ARHGAP40: variants seen among roughly 807,000 people sequenced by gnomAD.
ARHGAP40 encodes Rho GTPase activating protein 40, also known as rho GTPase-activating protein 40.
ARHGAP40 carries 43 observed loss-of-function variants against 73.5 expected under a neutral mutation model. The ratio of observed to expected loss-of-function variants is 0.58; its 90% CI spans 0.46 to 0.75. The LOEUF (loss-of-function observed/expected upper bound fraction) is 0.75. Ranked by LOEUF, ARHGAP40 falls within the 30% of genes least tolerant of loss-of-function variation. ARHGAP40 has a pLI of 0.00. For synonymous variants in ARHGAP40, 300 were observed against 352.8 expected, an observed-to-expected ratio of 0.85 and a Z score of 1.68; for missense variants, 734 against 861.8, an observed-to-expected ratio of 0.85 and a Z score of 1.86.
At chr20:38,627,075 C>G in exon 3 of ARHGAP40, 1 of 1,305,408 alleles carries the variant, frequency 7.7e-7, no homozygotes, top group Non-Finnish European at 1.0e-6. Flanking sequence ...TGGTGATCAC[C>G]AGGAGCTCCT....
At chr20:38,645,232 C>T (rs568526239) in intron 11 of ARHGAP40, among the ~76,000 whole-genome samples, 130 of 151,904 alleles carry the variant, frequency 8.6e-4, no homozygotes, top group South Asian at 2.3e-3. Context: ...ACTCCTCTGT[C>T]GAAAGTCCCC....
intron 3 of ARHGAP40, among the ~76,000 whole-genome samples, chr20:38,627,431 TGTCTGTGTTG>T (rs2088905961): frequency 7.5e-6 from 1 of 133,522 alleles, no homozygotes; most frequent in Non-Finnish European, 1.6e-5. Context: ...GTGTGTGTGT[TGTCTGTGTTG>T]GGGGTGTGTG....
intron 6 of ARHGAP40, among the ~76,000 whole-genome samples, chr20:38,635,724 ATTATAG>A (rs1222681768): frequency 6.6e-6 from 1 of 151,942 alleles, no homozygotes; most frequent in African/African-American, 2.4e-5. Context: ...AATAGAATAT[ATTATAG>A]TTATAGATCT....
At chr20:38,631,774 C>A (rs747009485) in intron 5 of ARHGAP40, among the ~76,000 whole-genome samples, 1 of 152,130 alleles carries the variant, frequency 6.6e-6, no homozygotes, top group African/African-American at 2.4e-5. Context: ...CTTAGGAAAC[C>A]AACCCCACCC....
chr20:38,623,026 C>T (rs1008137639), intron 1 of ARHGAP40, among the ~76,000 whole-genome samples: 2 of 152,206 alleles, frequency 1.3e-5, no homozygotes, highest in Non-Finnish European at 2.9e-5. Flanking sequence ...ACTGCCCTGT[C>T]ATTTCCTCGC....
rs1002170493 is a variant in ARHGAP40, at chr20:38,639,173, G to A, written c.1120-54G>A. ...CCAAGCCCCAGAGAAGTGGTAGAGC[G>A]ACTTCTACCAGAGCCCTGGGCCAAC... On this transcript the variant is annotated intron_variant, in intron 8 of 14. Coordinates refer to ENST00000373345, the Ensembl canonical transcript of ARHGAP40. The A allele has an allele frequency of 2.0e-5, 26 of 1,291,330 alleles. No homozygotes were observed. The Admixed American group carries it at 4.2e-4, about 21-fold the overall frequency. 80.0% of individuals were successfully genotyped at this position (1,291,330 alleles called of 1,614,324 possible). A position where few individuals can be genotyped will look rare whatever the true frequency, so the allele number is the denominator to read the frequency against.
At chr20:38,642,504 G>T (rs1256207345) in intron 10 of ARHGAP40, among the ~76,000 whole-genome samples, 1 of 152,140 alleles carries the variant, frequency 6.6e-6, no homozygotes, top group East Asian at 1.9e-4. Context: ...AATCATAAAA[G>T]CTAACTCATG....
At chr20:38,647,274 G>C in intron 13 of ARHGAP40, 148 bp downstream of exon 13, 1 of 560,680 alleles carries the variant, frequency 1.8e-6, no homozygotes, top group Non-Finnish European at 2.7e-6. Context: ...TCCAATCTTA[G>C]AGAGTTTCTT....
intron 10 of ARHGAP40, among the ~76,000 whole-genome samples, 153 bp downstream of exon 10, chr20:38,641,961 T>G (rs1353743394): frequency 6.6e-6 from 1 of 152,164 alleles, no homozygotes; most frequent in Non-Finnish European, 1.5e-5. Flanking sequence ...CTTGAGACTT[T>G]TTCTTAAAGA....
At chr20:38,644,033 C>A in intron 11 of ARHGAP40, 123 bp downstream of exon 11, 1 of 865,456 alleles carries the variant, frequency 1.2e-6, no homozygotes, top group Non-Finnish European at 1.6e-6. Flanking sequence ...CTTTGTTGGC[C>A]TCTGCACAGG....
chr20:38,630,105 T>TCTTTCTTTTTCTTTTC (rs2088928905), intron 5 of ARHGAP40, among the ~76,000 whole-genome samples: 1 of 89,494 alleles, frequency 1.1e-5, no homozygotes, highest in African/African-American at 3.2e-5. Flanking sequence ...TTTCTTTGTT[T>TCTTTCTTTTTCTTTTC]TTCTTTTCTT....
At chr20:38,608,901 G>A (rs1029519420) in intron 1 of ARHGAP40, among the ~76,000 whole-genome samples, 2 of 152,136 alleles carry the variant, frequency 1.3e-5, no homozygotes, top group Non-Finnish European at 2.9e-5. Flanking sequence ...TCCTTAAGTT[G>A]CGGTCCACCT....
chr20:38,640,045 GACCT>G (rs2089004828), intron 9 of ARHGAP40, among the ~76,000 whole-genome samples: 1 of 152,160 alleles, frequency 6.6e-6, no homozygotes, highest in Non-Finnish European at 1.5e-5. Context: ...GGTCCTCTCT[GACCT>G]TTGATTCTCA....
intron 1 of ARHGAP40, among the ~76,000 whole-genome samples, chr20:38,620,379 C>G (rs1020695436): frequency 7.9e-5 from 12 of 152,166 alleles, no homozygotes; most frequent in African/African-American, 2.9e-4. Context: ...GCGGGTGTTT[C>G]ATTTTGTTTC....
At chr20:38,604,641 G>A (rs1232986799) in intron 1 of ARHGAP40, among the ~76,000 whole-genome samples, 1 of 152,020 alleles carries the variant, frequency 6.6e-6, no homozygotes, top group African/African-American at 2.4e-5. Flanking sequence ...TGATCCACCC[G>A]CCTTAGCCTC....
At chr20:38,647,830 T>C (rs935164373) in intron 13 of ARHGAP40, among the ~76,000 whole-genome samples, 44 of 152,242 alleles carry the variant, frequency 2.9e-4, no homozygotes, top group African/African-American at 9.4e-4. Flanking sequence ...CAAACTGTAT[T>C]AGGTTTCATA....
intron 10 of ARHGAP40, among the ~76,000 whole-genome samples, chr20:38,643,156 A>C (rs934716309): frequency 6.6e-6 from 1 of 151,954 alleles, no homozygotes; most frequent in African/African-American, 2.4e-5. Flanking sequence ...AAAAAAAAAA[A>C]AACAAAAAAC....
chr20:38,649,871 C>T (rs2089078096), exon 15 of ARHGAP40: 1 of 1,291,994 alleles, frequency 7.7e-7, no homozygotes, highest in Non-Finnish European at 1.0e-6. Context: ...TCAGGAGCAG[C>T]CTGGATGCCT....
At chr20:38,622,098 CAT>C (rs201140706) in intron 1 of ARHGAP40, among the ~76,000 whole-genome samples, 1 of 150,524 alleles carries the variant, frequency 6.6e-6, no homozygotes, top group East Asian at 1.9e-4. Flanking sequence ...CAGAAAAGCA[CAT>C]ATATATATAT....
Sources: gnomAD v4.1 joint callset for allele counts (sites outside exome capture counted in the v4.1 genomes callset) on GRCh38, gnomAD v4.1.1 for gene constraint, MANE v1.5 for transcripts, NCBI Gene and HGNC (gene_info 2026-07-23, HGNC 2026-07-21) for gene names.